Variants in TRERF1 observed in about 807,000 individuals in gnomAD.
TRERF1 encodes transcriptional regulating factor 1, also known as transcriptional-regulating factor 1.
TRERF1 carries 27 observed loss-of-function variants against 122.9 expected under a neutral mutation model. The observed-to-expected ratio is 0.22, with a 90% CI of 0.16 to 0.30. The LOEUF (loss-of-function observed/expected upper bound fraction) is 0.30. TRERF1 is among the 10% of genes least tolerant of loss of function. The pLI is 1.00. For missense variants in TRERF1, 1,248 were observed against 1,560.3 expected (o/e 0.80, Z 3.37); for synonymous variants, 636 against 641.7 (o/e 0.99, Z 0.13).
chr6:42,427,320 C>T (rs933845481), intron 2 of TRERF1, among the ~76,000 whole-genome samples: 3 of 152,116 alleles, frequency 2.0e-5, no homozygotes, highest in Non-Finnish European at 4.4e-5. Context: ...TTCAATGATG[C>T]AATCATAGCT....
intron 3 of TRERF1, among the ~76,000 whole-genome samples, chr6:42,312,874 T>C (rs1761914065): frequency 6.6e-6 from 1 of 152,162 alleles, no homozygotes; most frequent in South Asian, 2.1e-4. Context: ...TCTACCAATG[T>C]TCCTTCTCCT....
intron 13 of TRERF1, among the ~76,000 whole-genome samples, chr6:42,251,833 C>T (rs1400158090): frequency 6.6e-6 from 1 of 152,178 alleles, no homozygotes; most frequent in Admixed American, 6.5e-5. Flanking sequence ...GGGCTGTGCT[C>T]AGGGCCAATA....
chr6:42,432,316 A>T (rs1297482319), intron 2 of TRERF1, among the ~76,000 whole-genome samples: 1 of 152,266 alleles, frequency 6.6e-6, no homozygotes, highest in Non-Finnish European at 1.5e-5. Context: ...TTATTTTTGT[A>T]CATGCTATAT....
chr6:42,396,766 G>C (rs1581988826), intron 2 of TRERF1, among the ~76,000 whole-genome samples: 2 of 152,288 alleles, frequency 1.3e-5, no homozygotes, highest in African/African-American at 4.8e-5. Flanking sequence ...CCCACAAACT[G>C]TTTTCCTCAG....
rs767224072 is a variant in TRERF1 at position 42,268,832 on chromosome 6, G to A, written c.759C>T (p.Ala253=). The A allele has an allele frequency of 3.1e-6, 5 of 1,614,144 alleles. No individual in the cohort carries two copies. The highest frequency in any genetic ancestry group is 4.2e-6 in the Non-Finnish European group (5 of 1,180,016). The stretch of plus-strand genomic sequence containing the variant: ...GCATGTGCTGTGACAGCATCTGTGG[G>A]GCCTGCAGTGGCTGTCCTCCCTGCA... The change falls in exon 5 of 18, where the codon GCC becomes GCT. Residue 253 remains alanine, a synonymous_variant. Coordinates refer to ENST00000372922, the Ensembl canonical transcript of TRERF1. The surrounding 1 kb of genome is among the most constrained non-coding windows in gnomAD (Gnocchi z 4.4).
intron 2 of TRERF1, among the ~76,000 whole-genome samples, chr6:42,381,145 C>G (rs1394784380): frequency 6.6e-6 from 1 of 152,142 alleles, no homozygotes; most frequent in African/African-American, 2.4e-5. Context: ...TCCCCTCAGA[C>G]AGGGGCTTCC....
intron 4 of TRERF1, among the ~76,000 whole-genome samples, chr6:42,272,351 C>T (rs370442895): frequency 6.6e-6 from 1 of 151,936 alleles, no homozygotes; most frequent in African/African-American, 2.4e-5. Flanking sequence ...GAAGGCGAGC[C>T]GTGGGTGGAA....
chr6:42,297,258 G>T (rs1317410603), intron 4 of TRERF1, among the ~76,000 whole-genome samples: 1 of 152,140 alleles, frequency 6.6e-6, no homozygotes, highest in African/African-American at 2.4e-5. Context: ...CTAATGGAAA[G>T]AACTAATATG....
chr6:42,236,087 C>A (rs751421596), intron 16 of TRERF1, 118 bp downstream of exon 16: 9 of 1,425,100 alleles, frequency 6.3e-6, no homozygotes, highest in Non-Finnish European at 8.3e-6. Context: ...ATGGAGCACC[C>A]TCTGCCAAAC....
intron 2 of TRERF1, among the ~76,000 whole-genome samples, chr6:42,441,315 T>C (rs1054035075): frequency 2.0e-5 from 3 of 152,074 alleles, no homozygotes; most frequent in Non-Finnish European, 2.9e-5. Context: ...AAATCTTACG[T>C]AGAGTTGCTC....
At chr6:42,361,861 G>A (rs1771834638) in intron 3 of TRERF1, among the ~76,000 whole-genome samples, 1 of 152,208 alleles carries the variant, frequency 6.6e-6, no homozygotes, top group Admixed American at 6.5e-5. Context: ...CTCTGACTGA[G>A]GCTGCCTAAT....
At chr6:42,419,725 A>G (rs1437390214) in intron 2 of TRERF1, among the ~76,000 whole-genome samples, 2 of 152,058 alleles carry the variant, frequency 1.3e-5, no homozygotes, top group Non-Finnish European at 2.9e-5. Flanking sequence ...ACTAATGACA[A>G]CTCCATGGTG....
chr6:42,265,270 G>A (rs952808993), intron 6 of TRERF1, among the ~76,000 whole-genome samples: 4 of 152,224 alleles, frequency 2.6e-5, no homozygotes, highest in Non-Finnish European at 5.9e-5. Context: ...TATCAGGTTT[G>A]GCTAAATCTT....
chr6:42,345,388 GCCCAGTGACAGCTTA>G (rs1386748679), intron 3 of TRERF1, among the ~76,000 whole-genome samples: 1 of 152,132 alleles, frequency 6.6e-6, no homozygotes, highest in Non-Finnish European at 1.5e-5. Flanking sequence ...AAGAGGTGAG[GCCCAGTGACAGCTTA>G]CCCACCTTCC....
At chr6:42,427,585 C>T (rs1472006181) in intron 2 of TRERF1, among the ~76,000 whole-genome samples, 1 of 148,570 alleles carries the variant, frequency 6.7e-6, no homozygotes, top group Non-Finnish European at 1.5e-5. Context: ...AGGTCTCATT[C>T]TGTCACCCAG....
chr6:42,264,865 G>T lies in TRERF1; in HGVS notation c.1485-11C>A. The T allele has an allele frequency of 1.9e-6, 3 of 1,613,848 alleles. No individual in the cohort carries two copies. Among genetic ancestry groups the T allele is most frequent in the Non-Finnish European group, 2.5e-6 (3 of 1,179,872 alleles). ...CCTTTGGGTTGGCCACTGCTCAAGGGAAGAGTCAAATGGAGAGGACACATA... is the reference window on the plus strand; with the variant it reads ...CCTTTGGGTTGGCCACTGCTCAAGGTAAGAGTCAAATGGAGAGGACACATA... On this transcript the variant is annotated splice_polypyrimidine_tract_variant and intron_variant, in intron 6 of 17. Coordinates refer to ENST00000372922, the Ensembl canonical transcript of TRERF1.
At chr6:42,262,519 G>C (rs923877921) in intron 8 of TRERF1, among the ~76,000 whole-genome samples, 8 of 37,990 alleles carry the variant, frequency 2.1e-4, no homozygotes, top group East Asian at 1.3e-3. Context: ...GAGAGAGAGA[G>C]AGAGAGAGAG....
At chr6:42,257,238 A>G in intron 10 of TRERF1, 136 bp from the exon 11 acceptor site, 1 of 1,091,670 alleles carries the variant, frequency 9.2e-7, no homozygotes, top group Non-Finnish European at 1.3e-6. Flanking sequence ...TCACAGTGTG[A>G]CCCTAAGATT....
chr6:42,320,735 C>T (rs441363), intron 3 of TRERF1, among the ~76,000 whole-genome samples: 3,616 of 152,248 alleles, frequency 0.024, 79 homozygotes, highest in African/African-American at 0.047. Flanking sequence ...GTCTTAAACT[C>T]CTGACCTCAG....
Sources: allele counts gnomAD v4.1 joint callset (sites outside exome capture counted in the v4.1 genomes callset), GRCh38; gene constraint gnomAD v4.1.1; non-coding constraint Gnocchi (gnomAD v3.1); transcripts MANE v1.5; gene names NCBI Gene and HGNC (gene_info 2026-07-23, HGNC 2026-07-21).